Variants in SHTN1 observed in about 807,000 individuals in gnomAD.
SHTN1 encodes the protein shootin 1, also known as shootin-1.
Under a neutral mutation model 83.1 loss-of-function variants are expected in SHTN1, and 42 were observed. The ratio of observed to expected loss-of-function variants is 0.51; its 90% CI spans 0.39 to 0.65. The LOEUF is 0.65. Among genes scored for constraint, SHTN1 ranks in the 30% least tolerant of loss-of-function variants. SHTN1 has a pLI of 0.00. For synonymous variants in SHTN1, 224 were observed against 247.7 expected, an observed-to-expected ratio of 0.90 and a Z score of 0.90; for missense variants, 622 against 737.8, an observed-to-expected ratio of 0.84 and a Z score of 1.82.
intron 2 of SHTN1, among the ~76,000 whole-genome samples, chr10:117,034,790 T>C (rs1038137518): frequency 3.3e-5 from 5 of 152,150 alleles, no homozygotes; most frequent in Non-Finnish European, 5.9e-5. Flanking sequence ...GAAAGATCTC[T>C]ATAATATAAA....
chr10:116,985,313 G>T (rs1851183033), intron 1 of SHTN1, among the ~76,000 whole-genome samples: 1 of 152,158 alleles, frequency 6.6e-6, no homozygotes, highest in Non-Finnish European at 1.5e-5. Context: ...AGACACAAAT[G>T]CATAGAGAAG....
chr10:116,983,679 GATAGATAA>G (rs1481898807), intron 1 of SHTN1, among the ~76,000 whole-genome samples: 44 of 18,070 alleles, frequency 2.4e-3, no homozygotes, highest in South Asian at 5.8e-3. Flanking sequence ...TAGATAGATA[GATAGATAA>G]ATACATACAT....
intron 2 of SHTN1, among the ~76,000 whole-genome samples, chr10:117,045,285 CA>C (rs1478037419): frequency 6.6e-6 from 1 of 152,060 alleles, no homozygotes; most frequent in Non-Finnish European, 1.5e-5. Flanking sequence ...CAAAAGTGTG[CA>C]ACAATCTGAT....
intron 2 of SHTN1, among the ~76,000 whole-genome samples, chr10:117,037,962 G>C (rs1324096560): frequency 8.2e-6 from 1 of 122,390 alleles, no homozygotes; most frequent in East Asian, 2.5e-4. Context: ...CCGAGATCAT[G>C]CCACTGCACT....
At position 116,968,643 on chromosome 10, in the gene SHTN1, C is replaced by CTTA. The variant is rs771920487; in HGVS notation, c.172+6_172+8dup. The CTTA allele has an allele frequency of 2.5e-6, 4 of 1,598,510 alleles. 1 individual carries two copies. Among genetic ancestry groups the CTTA allele is most frequent in the Non-Finnish European group, 3.4e-6 (4 of 1,166,926 alleles). On this transcript the variant is annotated intron_variant, in intron 3 of 16. Transcript: ENST00000355371. ...GTGTTATAATAATTCCACTGAAATG[C>CTTA]TTACGTACTTTTCTGAAATTCTTCC...
chr10:117,009,227 A>T (rs1161996451), upstream of SHTN1, among the ~76,000 whole-genome samples: 1 of 152,202 alleles, frequency 6.6e-6, no homozygotes, highest in Admixed American at 6.5e-5. Flanking sequence ...TAAGTATAAA[A>T]TAAGGCAATA....
intron 1 of SHTN1, among the ~76,000 whole-genome samples, chr10:117,075,646 G>T (rs902246199): frequency 1.3e-5 from 2 of 152,142 alleles, no homozygotes; most frequent in African/African-American, 4.8e-5. Context: ...CTACTTGGTT[G>T]GGAGTGGTCA....
intron 1 of SHTN1, among the ~76,000 whole-genome samples, chr10:116,990,287 C>CTTTTTTTTTTTTTTTTTTTTTTTTTT (rs11399364): frequency 9.2e-5 from 11 of 119,912 alleles, no homozygotes; most frequent in African/African-American, 9.6e-5. Context: ...TTTTTTCTTT[C>CTTTTTTTTTTTTTTTTTTTTTTTTTT]TTTTTTTTTT....
chr10:117,120,291 A>T (rs1853904296), intron 1 of SHTN1, among the ~76,000 whole-genome samples: 1 of 144,522 alleles, frequency 6.9e-6, no homozygotes, highest in South Asian at 2.2e-4. Flanking sequence ...TCTGTTGCCC[A>T]GGCTGGAGTG....
chr10:116,928,657 T>C (rs1848835592), intron 10 of SHTN1, among the ~76,000 whole-genome samples: 1 of 152,186 alleles, frequency 6.6e-6, no homozygotes, highest in South Asian at 2.1e-4. Flanking sequence ...CCATTCCACT[T>C]TCCCCGACTG....
chr10:116,952,592 T>C (rs929416448), intron 5 of SHTN1, among the ~76,000 whole-genome samples: 1 of 152,204 alleles, frequency 6.6e-6, no homozygotes, highest in Non-Finnish European at 1.5e-5. Flanking sequence ...CATAGTTTTA[T>C]TATTAGGATT....
intron 1 of SHTN1, among the ~76,000 whole-genome samples, chr10:117,115,893 T>A (rs1386119182): frequency 1.3e-5 from 2 of 152,188 alleles, no homozygotes; most frequent in Non-Finnish European, 2.9e-5. Flanking sequence ...GAGTACATTC[T>A]CTAAATGTTT....
intron 2 of SHTN1, chr10:116,974,067 C>A: frequency 1.9e-6 from 2 of 1,067,740 alleles, no homozygotes; most frequent in Non-Finnish European, 1.1e-6. Flanking sequence ...CTTCTTTCTT[C>A]CAATTCAAAG....
chr10:117,074,515 C>T (rs1853126534), intron 1 of SHTN1, among the ~76,000 whole-genome samples: 1 of 152,174 alleles, frequency 6.6e-6, no homozygotes, highest in African/African-American at 2.4e-5. Context: ...TCATCAGATT[C>T]TCAAGTAATC....
intron 16 of SHTN1, chr10:116,900,171 T>C (rs1236885437): frequency 5.2e-6 from 1 of 191,562 alleles, no homozygotes; most frequent in African/African-American, 2.3e-5. Flanking sequence ...AGTTATTTTA[T>C]TTAGCTAAAG....
In SHTN1 at chr10:116,935,993, C is replaced by T. The variant is rs555214040; in HGVS notation, c.858+4473G>A. ...TATTCTCTGATGGTAGTTTGTATTTCTGTGGGATCGGTGGTGATCTCCCCC... is the reference window on the plus strand; with the variant it reads ...TATTCTCTGATGGTAGTTTGTATTTTTGTGGGATCGGTGGTGATCTCCCCC... On this transcript the variant is annotated intron_variant, in intron 9 of 16. Coordinates refer to ENST00000355371, the MANE Select transcript of SHTN1 (RefSeq NM_001127211.3). 2.2e-3 allele frequency among the ~76,000 whole-genome samples: 334 copies of T among 152,276 alleles called. 1 individual carries two copies. Among genetic ancestry groups the T allele is most frequent in the Non-Finnish European group, 4.1e-3 (282 of 68,022 alleles).
chr10:117,091,633 G>A (rs1990222467), intron 1 of SHTN1, among the ~76,000 whole-genome samples: 1 of 152,136 alleles, frequency 6.6e-6, no homozygotes, highest in African/African-American at 2.4e-5. Flanking sequence ...ACAATCCAAA[G>A]GCTTTGAGTT....
chr10:116,970,807 ATATT>A (rs1850590544), intron 2 of SHTN1, among the ~76,000 whole-genome samples: 1 of 152,026 alleles, frequency 6.6e-6, no homozygotes, highest in Non-Finnish European at 1.5e-5. Context: ...TGCATCTCAT[ATATT>A]TATATATGCT....
intron 1 of SHTN1, among the ~76,000 whole-genome samples, chr10:117,065,834 AAGGAAGGAAGGAAGGAAG>A (rs1564947417): frequency 1.4e-5 from 1 of 73,010 alleles, no homozygotes; most frequent in East Asian, 7.6e-4. Context: ...GGAAGGAAGG[AAGGAAGGAAGGAAGGAAG>A]GAAAGGAGGG....
Sources: allele counts gnomAD v4.1 joint callset (sites outside exome capture counted in the v4.1 genomes callset), GRCh38; gene constraint gnomAD v4.1.1; transcripts MANE v1.5; gene names NCBI Gene and HGNC (gene_info 2026-07-23, HGNC 2026-07-21).